RECK: variants seen among roughly 807,000 people sequenced by gnomAD.
RECK encodes reversion-inducing cysteine-rich protein with Kazal motifs.
Under a neutral mutation model 115.1 loss-of-function variants are expected in RECK, and 69 were observed. The observed-to-expected ratio is 0.60, with a 90% CI of 0.49 to 0.73. The LOEUF (loss-of-function observed/expected upper bound fraction) is 0.73. Ranked by LOEUF, RECK falls within the 30% of genes least tolerant of loss-of-function variation. The probability of loss-of-function intolerance (pLI) is 0.00; values close to 1 mark genes in which losing one functional copy is unlikely to be tolerated. For missense variants in RECK, 1,047 were observed against 1,203.7 expected (o/e 0.87, Z 1.93); for synonymous variants, 414 against 419.7 (o/e 0.99, Z 0.17).
rs533665484 is a variant in RECK at position 36,038,062 on chromosome 9, C to T, written c.100+964C>T. ...TGCGGTAGGCTCTCCCCTGTAATCCCAGCACTTTGGGAGGTGGAGGCGGGC... is the reference window on the plus strand; with the variant it reads ...TGCGGTAGGCTCTCCCCTGTAATCCTAGCACTTTGGGAGGTGGAGGCGGGC... On this transcript the variant is annotated intron_variant, in intron 1 of 20. Coordinates refer to ENST00000377966, the MANE Select transcript of RECK (RefSeq NM_021111.3). Among the ~76,000 whole-genome samples the T allele has an allele frequency of 2.4e-4, 36 of 151,008 alleles. No individual in the cohort carries two copies. The South Asian group carries it at 7.6e-3, about 32-fold the overall frequency.
Position 36,123,171 on chromosome 9 carries a change from C to A in RECK, c.*126C>A. On this transcript the variant is annotated 3_prime_UTR_variant, in exon 21 of 21. Transcript: ENST00000377966. ...GCACATGTCACCTCTATTCGCCACA[C>A]AGTATTTTTTTTTTTAATCCGCCAA... 1.5e-6 allele frequency: 1 copy of A among 660,178 alleles called. No individual in the cohort carries two copies. The highest frequency in any genetic ancestry group is 2.5e-6 in the Non-Finnish European group (1 of 399,406). The allele number at this position is 660,178 out of a possible 1,614,324, so 40.9% of individuals were successfully genotyped here.
chr9:36,091,076 A>T, intron 9 of RECK, 88 bp from the exon 10 acceptor site: 4 of 1,250,372 alleles, frequency 3.2e-6, no homozygotes, highest in Non-Finnish European at 4.6e-6. Context: ...GTTCCAAAGT[A>T]TATAGTTCAT....
chr9:36,063,091 C>T (rs536956334), intron 4 of RECK, among the ~76,000 whole-genome samples: 9 of 151,986 alleles, frequency 5.9e-5, no homozygotes, highest in East Asian at 1.9e-4. Context: ...GCCAAGATCG[C>T]GCCACTGCAC....
chr9:36,093,229 A>T (rs994050376), intron 10 of RECK, among the ~76,000 whole-genome samples: 38 of 152,322 alleles, frequency 2.5e-4, no homozygotes, highest in Middle Eastern at 3.4e-3. Context: ...TGAAAACAAC[A>T]TTCCTCCAAA....
chr9:36,115,755 C>G (rs1198965485), intron 16 of RECK, among the ~76,000 whole-genome samples: 1 of 152,056 alleles, frequency 6.6e-6, no homozygotes. Flanking sequence ...TAAATCATTT[C>G]CTTTGAAATT....
intron 8 of RECK, 40 bp downstream of exon 8, chr9:36,083,602 G>A (rs1822822821): frequency 6.3e-7 from 1 of 1,580,874 alleles, no homozygotes; most frequent in African/African-American, 1.3e-5. Flanking sequence ...TCAATCTTTG[G>A]TAAAATCGTT....
chr9:36,067,024 A>G (rs955638751), intron 6 of RECK, among the ~76,000 whole-genome samples: 7 of 152,180 alleles, frequency 4.6e-5, no homozygotes, highest in African/African-American at 1.7e-4. Context: ...AGTTGATCCC[A>G]CAAATTCTTC....
intron 14 of RECK, among the ~76,000 whole-genome samples, chr9:36,108,888 C>T (rs1823923008): frequency 6.6e-6 from 1 of 152,022 alleles, no homozygotes; most frequent in East Asian, 1.9e-4. Context: ...TTTTTAGGAT[C>T]TGTTCCCTCC....
Position 36,122,942 on chromosome 9 carries a change from G to T in RECK, c.2813G>T (p.Ser938Ile). ...ATCATTTCCCAGGTACAGGTCTCCA[G>T]CAGTGTGCCATCGGCCGGTGTCAGG... The part of the protein sequence containing the change: ...ALIISQVQVS[S>I]SVPSAGVRAR... Residue 938 changes from serine (S) to isoleucine (I), a missense_variant, in exon 21 of 21, where the codon AGC (serine) becomes ATC (isoleucine). Coordinates refer to ENST00000377966, the MANE Select transcript of RECK (RefSeq NM_021111.3). The T allele has an allele frequency of 6.2e-7, 1 of 1,614,184 alleles. No individual in the cohort carries two copies. The highest frequency in any genetic ancestry group is 2.2e-5 in the East Asian group (1 of 44,872).
chr9:36,106,177 T>A (rs1053685865), intron 13 of RECK, among the ~76,000 whole-genome samples: 1 of 124,538 alleles, frequency 8.0e-6, no homozygotes, highest in Non-Finnish European at 1.6e-5. Flanking sequence ...GCCACTGCAC[T>A]CCAGCCTGCC....
chr9:36,050,780 C>A (rs1235532897), intron 1 of RECK, among the ~76,000 whole-genome samples: 1 of 152,114 alleles, frequency 6.6e-6, no homozygotes, highest in Non-Finnish European at 1.5e-5. Context: ...TTTGAACACA[C>A]CAGAAACTTT....
At chr9:36,067,792 C>T (rs1822067061) in intron 6 of RECK, among the ~76,000 whole-genome samples, 1 of 152,048 alleles carries the variant, frequency 6.6e-6, no homozygotes, top group African/African-American at 2.4e-5. Flanking sequence ...AAAATATATA[C>T]TGCACACATA....
In RECK at chr9:36,123,259, A is replaced by T. The variant is rs1824529476; in HGVS notation, c.*214A>T. 2.5e-5 allele frequency: 13 copies of T among 511,138 alleles called. No homozygotes were observed. In the South Asian group the frequency reaches 3.9e-4, roughly 15 times the overall value. 31.7% of individuals were successfully genotyped at this position (511,138 alleles called of 1,614,324 possible). ...AAATGTGTTGTTCCAAATACTAATGAAAACAGAATGTCTCTTCCTGGTAGA... is the reference window on the plus strand; with the variant it reads ...AAATGTGTTGTTCCAAATACTAATGTAAACAGAATGTCTCTTCCTGGTAGA... On this transcript the variant is annotated 3_prime_UTR_variant, in exon 21 of 21. Coordinates refer to ENST00000377966, the MANE Select transcript of RECK (RefSeq NM_021111.3).
chr9:36,101,814 A>C (rs140512932), intron 11 of RECK, among the ~76,000 whole-genome samples: 1 of 152,356 alleles, frequency 6.6e-6, no homozygotes, highest in Non-Finnish European at 1.5e-5. Context: ...GACTAGCTTC[A>C]TTTAATTTCC....
chr9:36,082,244 C>T (rs1189552555), intron 7 of RECK, among the ~76,000 whole-genome samples: 1 of 149,080 alleles, frequency 6.7e-6, no homozygotes, highest in African/African-American at 2.5e-5. Flanking sequence ...AGTGTGGTGG[C>T]GAGATCTTGG....
At position 36,084,186 on chromosome 9, in the gene RECK, C is replaced by T. The variant is rs118186835; in HGVS notation, c.637+624C>T. On this transcript the variant is annotated intron_variant, in intron 8 of 20. Coordinates refer to ENST00000377966, the MANE Select transcript of RECK (RefSeq NM_021111.3). ...CAAGACAGGCAGATCGTTTTGCGCT[C>T]AGGAGTTTGAGACCAGCCTGGGCAA... Among the ~76,000 whole-genome samples the T allele has an allele frequency of 7.8e-3, 1,177 of 151,716 alleles. 31 individuals are homozygous for T. Among genetic ancestry groups the T allele is most frequent in the East Asian group, 0.061 (313 of 5,116 alleles).
chr9:36,048,136 TATATATATATATA>T (rs1344466642), intron 1 of RECK, among the ~76,000 whole-genome samples: 2 of 60,244 alleles, frequency 3.3e-5, no homozygotes, highest in African/African-American at 4.6e-5. Context: ...AATATATATA[TATATATATATATA>T]TATATATATA....
intron 1 of RECK, among the ~76,000 whole-genome samples, chr9:36,040,312 A>G (rs1227872501): frequency 6.6e-6 from 1 of 152,226 alleles, no homozygotes; most frequent in African/African-American, 2.4e-5. Context: ...AAAAGAGTTT[A>G]TAAGAGCTGC....
At chr9:36,100,046 T>C (rs769469077) in intron 10 of RECK, among the ~76,000 whole-genome samples, 16 of 152,236 alleles carry the variant, frequency 1.1e-4, no homozygotes, top group Non-Finnish European at 2.4e-4. Context: ...ATTTATTTTA[T>C]GAAATGAAAT....
Sources: allele counts gnomAD v4.1 joint callset (sites outside exome capture counted in the v4.1 genomes callset), GRCh38; gene constraint gnomAD v4.1.1; transcripts MANE v1.5; gene names NCBI Gene and HGNC (gene_info 2026-07-23, HGNC 2026-07-21).